BAZ1B: variants seen among roughly 807,000 people sequenced by gnomAD.
BAZ1B encodes bromodomain adjacent to zinc finger domain 1B, also known as tyrosine-protein kinase BAZ1B.
BAZ1B carries 22 observed loss-of-function variants against 153.8 expected under a neutral mutation model. The ratio of observed to expected loss-of-function variants is 0.14; its 90% CI spans 0.10 to 0.20. BAZ1B has a LOEUF of 0.20. Among genes scored for constraint, BAZ1B ranks in the 10% least tolerant of loss-of-function variants. BAZ1B has a pLI of 1.00. For missense variants in BAZ1B, 1,325 were observed against 1,799.3 expected (o/e 0.74, Z 4.77); for synonymous variants, 676 against 633.4 (o/e 1.07, Z -1.01).
In BAZ1B at chr7:73,477,638, C is replaced by T. The variant is rs782677256; in HGVS notation, c.1823G>A (p.Gly608Glu). ...GAATTCCACCACCATGGCCACATCCCCAAACAGCGTGTTGGGCAGCCCTTC... is the reference window on the plus strand; with the variant it reads ...GAATTCCACCACCATGGCCACATCCTCAAACAGCGTGTTGGGCAGCCCTTC... ...TPEGLPNTLF[G>E]DVAMVVEFLS... Residue 608 changes from glycine (G) to glutamate (E), a missense_variant, in exon 7 of 20, where the codon GGG (glycine) becomes GAG (glutamate). By Grantham distance (98) the Gly-to-Glu change is moderately conservative. This residue lies in a region of BAZ1B where 154 missense variants were observed against 266.3 expected (regional missense o/e 0.58). Transcript: ENST00000339594. This position sits in a 1 kb window ranked among gnomAD's most constrained non-coding sequence, Gnocchi z 5.6. 1 of 1,614,214 alleles carries T rather than the reference C, an allele frequency of 6.2e-7. No homozygotes were observed. The highest frequency in any genetic ancestry group is 1.7e-5 in the Admixed American group (1 of 60,020).
At chr7:73,473,398 C>A (rs901694767) in intron 7 of BAZ1B, among the ~76,000 whole-genome samples, 11 of 151,822 alleles carry the variant, frequency 7.2e-5, no homozygotes, top group African/African-American at 2.7e-4. Context: ...ACTAAAAATA[C>A]AAAAATTAGC....
At chr7:73,500,458 A>T (rs1348584684) in intron 3 of BAZ1B, among the ~76,000 whole-genome samples, 1 of 152,150 alleles carries the variant, frequency 6.6e-6, no homozygotes, top group African/African-American at 2.4e-5. Flanking sequence ...TAAGGGGATC[A>T]CTTGAGCCTG....
At chr7:73,475,856 G>A (rs892978111) in intron 7 of BAZ1B, among the ~76,000 whole-genome samples, 4 of 151,442 alleles carry the variant, frequency 2.6e-5, no homozygotes, top group Non-Finnish European at 4.4e-5. Flanking sequence ...TCCAGAAGGC[G>A]GAGGTTGCAG....
intron 7 of BAZ1B, among the ~76,000 whole-genome samples, chr7:73,473,540 G>C (rs149480311): frequency 6.6e-6 from 1 of 152,030 alleles, no homozygotes; most frequent in South Asian, 2.1e-4. Flanking sequence ...GCGACAGAGC[G>C]ACGCTCTGTA....
intron 16 of BAZ1B, among the ~76,000 whole-genome samples, chr7:73,445,410 T>C (rs1045008976): frequency 2.6e-5 from 4 of 151,486 alleles, no homozygotes; most frequent in South Asian, 2.1e-4. Flanking sequence ...AAAGATAGAG[T>C]TGACAAAAAG....
chr7:73,442,136 TCCCTCCC>T, intron 19 of BAZ1B, 38 bp downstream of exon 19: 1 of 573,490 alleles, frequency 1.7e-6, no homozygotes. Flanking sequence ...CTCGCTCGCC[TCCCTCCC>T]ACCCTCCCTA....
rs1300010500 is a variant in BAZ1B, at chr7:73,459,822, A to G, written c.3250-104T>C. 3.0e-6 allele frequency: 3 copies of G among 1,014,624 alleles called. No homozygotes were observed. In the African/African-American group the frequency reaches 4.9e-5, roughly 16 times the overall value. The allele number at this position is 1,014,624 out of a possible 1,614,324, so 62.9% of individuals were successfully genotyped here. A position where few individuals can be genotyped will look rare whatever the true frequency, so the allele number is the denominator to read the frequency against. On this transcript the variant is annotated intron_variant, in intron 12 of 19. Transcript: ENST00000339594. Reference sequence around the variant, plus strand: ...AATCTAGACTCAAATGCCACATAACATTCATTAAACAAAATCGAGAGCCAC... The same window carrying G: ...AATCTAGACTCAAATGCCACATAACGTTCATTAAACAAAATCGAGAGCCAC...
intron 13 of BAZ1B, among the ~76,000 whole-genome samples, chr7:73,452,724 G>GAAAAAAAA (rs1268068593): frequency 2.4e-5 from 2 of 81,916 alleles, no homozygotes; most frequent in Non-Finnish European, 4.9e-5. Context: ...TTCATCTCGA[G>GAAAAAAAA]AAAAAAAAAA....
intron 12 of BAZ1B, chr7:73,462,640 C>G (rs144791324): frequency 2.5e-6 from 1 of 395,554 alleles, no homozygotes; most frequent in African/African-American, 2.1e-5. Flanking sequence ...TGATGCTATA[C>G]GACTGGAGCC....
chr7:73,498,442 T>C (rs1790001884), intron 4 of BAZ1B, 55 bp downstream of exon 4: 4 of 1,524,570 alleles, frequency 2.6e-6, no homozygotes, highest in Non-Finnish European at 3.6e-6. Flanking sequence ...GATGTGTTCA[T>C]AATAAAATAA....
intron 13 of BAZ1B, among the ~76,000 whole-genome samples, chr7:73,452,442 G>A (rs1208033547): frequency 3.3e-5 from 5 of 152,050 alleles, no homozygotes; most frequent in Non-Finnish European, 5.9e-5. Context: ...ATACACGTTC[G>A]GCCGGGCGTG....
At chr7:73,464,134 A>T (rs1788491515) in intron 11 of BAZ1B, 1 of 984,604 alleles carries the variant, frequency 1.0e-6, no homozygotes, top group Admixed American at 6.1e-5. Flanking sequence ...TGTCCTTCGC[A>T]AAAGTCTGGC....
chr7:73,446,794 C>A (rs1290901512), intron 16 of BAZ1B, among the ~76,000 whole-genome samples: 2 of 152,180 alleles, frequency 1.3e-5, no homozygotes, highest in African/African-American at 2.4e-5. Context: ...TCAGTCGTCT[C>A]TTTTCAAACC....
rs1456268136 is a variant in BAZ1B at position 73,449,509 on chromosome 7, C to A, written c.3728+33G>T. Reference sequence around the variant, plus strand: ...ATTATAACAGCTATTCATATTTATTCATTCAATTATTTTTAAAAGAAAAGA... The same window carrying A: ...ATTATAACAGCTATTCATATTTATTAATTCAATTATTTTTAAAAGAAAAGA... On this transcript the variant is annotated intron_variant, in intron 15 of 19. Coordinates refer to ENST00000339594, the MANE Select transcript of BAZ1B (RefSeq NM_032408.4). 5.0e-6 allele frequency: 8 copies of A among 1,589,660 alleles called. No individual in the cohort carries two copies. In the African/African-American group the frequency reaches 9.5e-5, roughly 19 times the overall value.
In BAZ1B at chr7:73,498,501, A is replaced by G. The variant is rs1187000857; in HGVS notation, c.567T>C (p.Ser189=). 2 of 1,606,294 alleles carry G rather than the reference A, an allele frequency of 1.2e-6. No homozygotes were observed. The highest frequency in any genetic ancestry group is 1.7e-5 in the Admixed American group (1 of 59,962). The change falls in exon 4 of 20, where the codon AGT becomes AGC. Residue 189 remains serine, a synonymous_variant. Coordinates refer to ENST00000339594, the MANE Select transcript of BAZ1B (RefSeq NM_032408.4). The part of the protein sequence containing the change: ...VVKEDEGRRE[S]INDRARRSPR... ...GAAAGCTAATATCAAACATACTAAT[A>G]CTCTCTCTCCTTCCTTCATCCTCTT...
chr7:73,481,406 A>G (rs1434381762), intron 6 of BAZ1B, among the ~76,000 whole-genome samples: 3 of 150,808 alleles, frequency 2.0e-5, no homozygotes, highest in African/African-American at 7.3e-5. Context: ...AGTCCCAGCT[A>G]CTCGGGAGGC....
intron 16 of BAZ1B, among the ~76,000 whole-genome samples, chr7:73,446,402 T>C (rs1220778468): frequency 6.6e-6 from 1 of 151,906 alleles, no homozygotes; most frequent in African/African-American, 2.4e-5. Context: ...CTGGCCAACA[T>C]GGTGAAACTC....
rs1554570028 is a variant in BAZ1B, at chr7:73,459,518, C to T, written c.3432+18G>A. 1.2e-6 allele frequency: 2 copies of T among 1,607,704 alleles called. No individual in the cohort carries two copies. The highest frequency in any genetic ancestry group is 2.2e-5 in the East Asian group (1 of 44,850). The stretch of plus-strand genomic sequence containing the variant: ...TCATCTACGGAATCATAAACTACAA[C>T]TTATAACAACAAAATACCTTTGCTT... On this transcript the variant is annotated intron_variant, in intron 13 of 19. Transcript: ENST00000339594.
chr7:73,445,967 T>C (rs1787819141), intron 16 of BAZ1B, among the ~76,000 whole-genome samples: 1 of 152,172 alleles, frequency 6.6e-6, no homozygotes, highest in South Asian at 2.1e-4. Context: ...GGGCCATTTG[T>C]TCACTTACCC....
Sources: gnomAD v4.1 joint callset for allele counts (sites outside exome capture counted in the v4.1 genomes callset) on GRCh38, gnomAD v4.1.1 for gene constraint, gnomAD v4.1.1 regional missense constraint, Gnocchi (gnomAD v3.1) non-coding constraint, MANE v1.5 for transcripts, NCBI Gene and HGNC (gene_info 2026-07-23, HGNC 2026-07-21) for gene names.